HMBOX1: variants seen among roughly 807,000 people sequenced by gnomAD.
HMBOX1 encodes the protein homeobox-containing protein 1.
Under a neutral mutation model 54.5 loss-of-function variants are expected in HMBOX1, and 14 were observed. The ratio of observed to expected loss-of-function variants is 0.26; its 90% CI spans 0.17 to 0.40. HMBOX1 has a LOEUF of 0.40. Among genes scored for constraint, HMBOX1 ranks in the 10% least tolerant of loss-of-function variants. HMBOX1 has a pLI of 1.00. For synonymous variants in HMBOX1, 160 were observed against 181.0 expected, an observed-to-expected ratio of 0.88 and a Z score of 0.93; for missense variants, 332 against 514.4, an observed-to-expected ratio of 0.65 and a Z score of 3.43.
chr8:29,008,385 A>G (rs1370071605), intron 4 of HMBOX1, among the ~76,000 whole-genome samples: 1 of 152,186 alleles, frequency 6.6e-6, no homozygotes, highest in Admixed American at 6.5e-5. Context: ...GCAGAAAACT[A>G]CTGCTTTATA....
At position 28,970,554 on chromosome 8, in the gene HMBOX1, T is replaced by G; in HGVS notation, c.500+35T>G. On this transcript the variant is annotated intron_variant, in intron 3 of 9. Transcript: ENST00000287701. This position sits in a 1 kb window ranked among gnomAD's most constrained non-coding sequence, Gnocchi z 4.3. ...TTTGCTTATTCAGAGTCCCTAAAAATGTCTGTATTCTTAGATTGTTTTTAA... is the reference window on the plus strand; with the variant it reads ...TTTGCTTATTCAGAGTCCCTAAAAAGGTCTGTATTCTTAGATTGTTTTTAA... 1 of 1,332,158 alleles carries G rather than the reference T, an allele frequency of 7.5e-7. No homozygotes were observed. Among genetic ancestry groups the G allele is most frequent in the Non-Finnish European group, 1.0e-6 (1 of 965,468 alleles). The allele number at this position is 1,332,158 out of a possible 1,614,324, so 82.5% of individuals were successfully genotyped here.
At chr8:28,926,878 A>AGTCT (rs781301676) in intron 1 of HMBOX1, among the ~76,000 whole-genome samples, 15 of 152,200 alleles carry the variant, frequency 9.9e-5, no homozygotes, top group Non-Finnish European at 2.1e-4. Flanking sequence ...TGAACTCAAT[A>AGTCT]GTCTGTTTTA....
At chr8:28,982,662 G>A (rs993807717) in intron 4 of HMBOX1, among the ~76,000 whole-genome samples, 5 of 148,364 alleles carry the variant, frequency 3.4e-5, no homozygotes, top group African/African-American at 1.2e-4. Flanking sequence ...GTCTTGCTCT[G>A]TCGCCCAAGC....
intron 6 of HMBOX1, among the ~76,000 whole-genome samples, chr8:29,039,323 C>A (rs1476666882): frequency 6.6e-5 from 10 of 152,236 alleles, no homozygotes; most frequent in African/African-American, 2.4e-4. Context: ...AGATCTATTT[C>A]CCGACTTCGT....
At chr8:28,929,948 C>G (rs966118150) in intron 1 of HMBOX1, among the ~76,000 whole-genome samples, 2 of 140,522 alleles carry the variant, frequency 1.4e-5, no homozygotes, top group Non-Finnish European at 3.1e-5. Context: ...CCCCCCGCCC[C>G]GCCAATGGAG....
At chr8:28,931,214 G>A (rs1819417072) in intron 1 of HMBOX1, among the ~76,000 whole-genome samples, 1 of 152,020 alleles carries the variant, frequency 6.6e-6, no homozygotes, top group Admixed American at 6.6e-5. Context: ...TATATATTTC[G>A]TGATTGAAAA....
intron 1 of HMBOX1, among the ~76,000 whole-genome samples, chr8:28,925,494 T>C (rs1391700319): frequency 6.6e-6 from 1 of 152,228 alleles, no homozygotes; most frequent in Non-Finnish European, 1.5e-5. Flanking sequence ...CTCAGTTATG[T>C]GGTGGTAATG....
chr8:28,902,177 G>T (rs1287178057), intron 1 of HMBOX1, among the ~76,000 whole-genome samples: 1 of 152,114 alleles, frequency 6.6e-6, no homozygotes, highest in African/African-American at 2.4e-5. Flanking sequence ...AGGGGGCAGG[G>T]GTGAGGGGAC....
rs916118978 is a variant in HMBOX1, at chr8:29,045,280, A to G, written c.852-81A>G. The G allele has an allele frequency of 5.6e-6, 6 of 1,062,200 alleles. No homozygotes were observed. The African/African-American group carries it at 9.4e-5, about 17-fold the overall frequency. 65.8% of individuals were successfully genotyped at this position (1,062,200 alleles called of 1,614,324 possible). ...ACTTGAGTGTGGCATCTTACAGAATATATTTTTCAGTGAGTTAGTGTTTTA... is the reference window on the plus strand; with the variant it reads ...ACTTGAGTGTGGCATCTTACAGAATGTATTTTTCAGTGAGTTAGTGTTTTA... On this transcript the variant is annotated intron_variant, in intron 6 of 9. Coordinates refer to ENST00000287701, the MANE Select transcript of HMBOX1 (RefSeq NM_001135726.3).
Position 29,001,511 on chromosome 8 carries a change from C to T in HMBOX1, c.587-7561C>T, listed in dbSNP as rs77137456. 3.1e-3 allele frequency among the ~76,000 whole-genome samples: 467 copies of T among 152,170 alleles called. 3 individuals are homozygous for T. Among genetic ancestry groups the T allele is most frequent in the Middle Eastern group, 0.014 (4 of 292 alleles). On this transcript the variant is annotated intron_variant, in intron 4 of 9. Coordinates refer to ENST00000287701, the MANE Select transcript of HMBOX1 (RefSeq NM_001135726.3). ...GTTGCAGTGAGCCAAGATCATGCCGCGGCGCTTCAGCCTCGGTAATAGAGC... is the reference window on the plus strand; with the variant it reads ...GTTGCAGTGAGCCAAGATCATGCCGTGGCGCTTCAGCCTCGGTAATAGAGC...
intron 1 of HMBOX1, among the ~76,000 whole-genome samples, chr8:28,955,467 T>C (rs930569193): frequency 8.5e-5 from 13 of 152,330 alleles, no homozygotes; most frequent in South Asian, 2.1e-4. Context: ...GTAGTTTTCT[T>C]TTTTAAATCC....
At position 29,003,866 on chromosome 8, in the gene HMBOX1, A is replaced by G. The variant is rs1255248850; in HGVS notation, c.587-5206A>G. Among the ~76,000 whole-genome samples, 5 of 152,200 alleles carry G rather than the reference A, an allele frequency of 3.3e-5. No individual in the cohort carries two copies. The South Asian group carries it at 6.2e-4, about 19-fold the overall frequency. ...GAAATTTCATTTTTTCAATTGTGAA[A>G]TGATCTTCTAATTAAAAAGGAGCTT... On this transcript the variant is annotated intron_variant, in intron 4 of 9. Coordinates refer to ENST00000287701, the MANE Select transcript of HMBOX1 (RefSeq NM_001135726.3).
intron 1 of HMBOX1, among the ~76,000 whole-genome samples, chr8:28,906,341 T>A (rs1017314344): frequency 6.6e-6 from 1 of 152,198 alleles, no homozygotes; most frequent in Non-Finnish European, 1.5e-5. Context: ...TGGAGCAGCA[T>A]GCCTGAGTTA....
chr8:28,961,904 T>G (rs1480493302), intron 1 of HMBOX1, among the ~76,000 whole-genome samples: 7 of 134,828 alleles, frequency 5.2e-5, no homozygotes, highest in African/African-American at 5.3e-5. Flanking sequence ...ATTTTTTTTT[T>G]TTTTTTTTCT....
chr8:28,980,871 C>T (rs956064570), intron 4 of HMBOX1, among the ~76,000 whole-genome samples: 3 of 152,118 alleles, frequency 2.0e-5, no homozygotes, highest in Admixed American at 1.3e-4. Flanking sequence ...ACACTCTTTT[C>T]AACTACATTT....
At chr8:28,925,147 C>G (rs1399480082) in intron 1 of HMBOX1, among the ~76,000 whole-genome samples, 1 of 151,990 alleles carries the variant, frequency 6.6e-6, no homozygotes, top group Non-Finnish European at 1.5e-5. Flanking sequence ...TATTATGTGA[C>G]ATGTGAAAGT....
chr8:29,005,706 T>G (rs1833352934), intron 4 of HMBOX1, among the ~76,000 whole-genome samples: 1 of 152,212 alleles, frequency 6.6e-6, no homozygotes, highest in South Asian at 2.1e-4. Flanking sequence ...TAAACTTTCC[T>G]CATTCTAACT....
intron 1 of HMBOX1, among the ~76,000 whole-genome samples, chr8:28,926,861 A>G (rs1274317987): frequency 6.6e-6 from 1 of 152,232 alleles, no homozygotes; most frequent in Non-Finnish European, 1.5e-5. Flanking sequence ...AGAAGGTTTT[A>G]GTACTATGAA....
At chr8:29,042,755 T>G in intron 6 of HMBOX1, 1 of 454,634 alleles carries the variant, frequency 2.2e-6, no homozygotes, top group South Asian at 1.6e-5. Flanking sequence ...ACAATCTAGT[T>G]TCTCCTAAGG....
Sources: allele counts gnomAD v4.1 joint callset (sites outside exome capture counted in the v4.1 genomes callset), GRCh38; gene constraint gnomAD v4.1.1; non-coding constraint Gnocchi (gnomAD v3.1); transcripts MANE v1.5; gene names NCBI Gene and HGNC (gene_info 2026-07-23, HGNC 2026-07-21).